The following UBE3C variants were observed in gnomAD, a reference collection of about 807,000 sequenced individuals.
The protein encoded by UBE3C is ubiquitin-protein ligase E3C.
In UBE3C, 42 loss-of-function variants were observed where a neutral mutation model predicts 129.4. The ratio of observed to expected loss-of-function variants is 0.32; its 90% CI spans 0.25 to 0.42. The LOEUF (loss-of-function observed/expected upper bound fraction) is 0.42, where lower values mean the gene tolerates loss of function less well. Among genes scored for constraint, UBE3C ranks in the 10% least tolerant of loss-of-function variants. The pLI, the probability that UBE3C is intolerant of heterozygous loss-of-function variation, is 1.00. For missense variants in UBE3C, 1,049 were observed against 1,319.1 expected (o/e 0.80, Z 3.17); for synonymous variants, 510 against 492.4 (o/e 1.04, Z -0.47).
intron 10 of UBE3C, among the ~76,000 whole-genome samples, chr7:157,191,436 C>T (rs943864959): frequency 6.6e-6 from 1 of 152,154 alleles, no homozygotes; most frequent in Non-Finnish European, 1.5e-5. Flanking sequence ...GGACGATAGG[C>T]GTGCCACCAC....
rs1213697459 is a variant in UBE3C at position 157,181,589 on chromosome 7, C to G, written c.688C>G (p.Arg230Gly). 1.2e-6 allele frequency: 2 copies of G among 1,613,604 alleles called. No individual in the cohort carries two copies. The highest frequency in any genetic ancestry group is 1.1e-5 in the South Asian group (1 of 90,980). The change falls in exon 7 of 23, where the codon CGA becomes GGA. Residue 230 changes from arginine to glycine, a missense_variant. This residue lies in a region of UBE3C where 489 missense variants were observed against 513.8 expected (regional missense o/e 0.95). Transcript: ENST00000348165. The part of the protein sequence containing the change: ...PSSIEYSDLS[R>G]VPIAKILLEN... Reference sequence around the variant, plus strand: ...AAGTATTGAATATTCTGATTTATCTCGAGTTCCTATAGCAAAAATTTTGCT... The same window carrying G: ...AAGTATTGAATATTCTGATTTATCTGGAGTTCCTATAGCAAAAATTTTGCT...
chr7:157,230,006 T>A (rs1431099275), intron 17 of UBE3C, among the ~76,000 whole-genome samples: 1 of 152,056 alleles, frequency 6.6e-6, no homozygotes, highest in Non-Finnish European at 1.5e-5. Context: ...TCTCCCAGAT[T>A]CAAGTGATTC....
chr7:157,203,980 A>G (rs1036539513), intron 11 of UBE3C, among the ~76,000 whole-genome samples: 4 of 152,210 alleles, frequency 2.6e-5, no homozygotes, highest in South Asian at 2.1e-4. Flanking sequence ...AAATCATCAA[A>G]CACTAGGCCA....
At chr7:157,205,929 C>T (rs963070700) in intron 11 of UBE3C, among the ~76,000 whole-genome samples, 8 of 152,226 alleles carry the variant, frequency 5.3e-5, no homozygotes, top group South Asian at 4.1e-4. Context: ...AAGCTCCTTA[C>T]GGCCCCGCTA....
chr7:157,189,803 AG>A (rs1808906096), intron 10 of UBE3C, among the ~76,000 whole-genome samples: 1 of 142,590 alleles, frequency 7.0e-6, no homozygotes, highest in South Asian at 2.2e-4. Context: ...TCAGTTTTTT[AG>A]GGTTGTTAGT....
At chr7:157,184,698 G>A (rs1442240537) in intron 9 of UBE3C, among the ~76,000 whole-genome samples, 1 of 152,174 alleles carries the variant, frequency 6.6e-6, no homozygotes, top group Non-Finnish European at 1.5e-5. Context: ...GAGGGTCTCA[G>A]GGCTTCCAGG....
chr7:157,184,050 C>G lies in UBE3C; in HGVS notation c.1143+21C>G, dbSNP rs1042231507. The G allele has an allele frequency of 5.0e-6, 8 of 1,609,420 alleles. No homozygotes were observed. In the African/African-American group the frequency reaches 1.1e-4, roughly 22 times the overall value. ...GCCCGGTAAGCCCCGTGCCCTGCAT[C>G]TGGGGGGCTGCGATGCAGGCAGCCC... On this transcript the variant is annotated intron_variant, in intron 9 of 22. Coordinates refer to ENST00000348165, the MANE Select transcript of UBE3C (RefSeq NM_014671.3).
At chr7:157,186,794 G>C (rs1258960232) in intron 9 of UBE3C, 40 bp from the exon 10 acceptor site, 1 of 1,604,480 alleles carries the variant, frequency 6.2e-7, no homozygotes, top group Non-Finnish European at 8.5e-7. Context: ...CGTTCCAGTT[G>C]AGCACATTTA....
intron 13 of UBE3C, among the ~76,000 whole-genome samples, chr7:157,208,949 C>G (rs1158486575): frequency 6.6e-6 from 1 of 152,230 alleles, no homozygotes; most frequent in African/African-American, 2.4e-5. Context: ...TACCAGCGAC[C>G]TCTCGCACAC....
intron 13 of UBE3C, among the ~76,000 whole-genome samples, chr7:157,213,349 A>G (rs1332836209): frequency 6.6e-6 from 1 of 152,222 alleles, no homozygotes; most frequent in African/African-American, 2.4e-5. Context: ...AGCAGTTGAA[A>G]ACTCGACTGG....
intron 10 of UBE3C, chr7:157,192,919 C>T (rs1809013091): frequency 4.5e-6 from 3 of 668,370 alleles, no homozygotes; most frequent in East Asian, 5.1e-5. Context: ...GTGAATGCCA[C>T]TTTCCCCCAT....
intron 1 of UBE3C, among the ~76,000 whole-genome samples, chr7:157,147,904 C>T (rs1416896945): frequency 6.6e-6 from 1 of 152,148 alleles, no homozygotes; most frequent in Non-Finnish European, 1.5e-5. Flanking sequence ...GACTGTGATG[C>T]ATAATTCTTT....
In UBE3C at chr7:157,175,023, C is replaced by T. The variant is rs377043435; in HGVS notation, c.447C>T (p.Ser149=). 1.2e-6 allele frequency: 2 copies of T among 1,610,250 alleles called. No homozygotes were observed. Among genetic ancestry groups the T allele is most frequent in the African/African-American group, 1.3e-5 (1 of 74,692 alleles). The change falls in exon 5 of 23, where the codon AGC becomes AGT. Residue 149 remains serine (S), a synonymous_variant. Coordinates refer to ENST00000348165, the MANE Select transcript of UBE3C (RefSeq NM_014671.3). The stretch of plus-strand genomic sequence containing the variant: ...TATTTCAGATAAAAAGATTGATGAG[C>T]CTCTGTTGCAGGTAAAATTCTATTG... ...TCLFQIKRLM[S]LCCRLLQNCN...
At chr7:157,214,806 A>G (rs1369850854) in intron 13 of UBE3C, among the ~76,000 whole-genome samples, 1 of 152,220 alleles carries the variant, frequency 6.6e-6, no homozygotes, top group East Asian at 1.9e-4. Context: ...ATGACTTTCA[A>G]GAATTAGTGT....
intron 14 of UBE3C, among the ~76,000 whole-genome samples, chr7:157,218,470 A>G (rs1013902909): frequency 3.3e-5 from 5 of 152,100 alleles, no homozygotes; most frequent in African/African-American, 1.2e-4. Context: ...AAAAAAAACC[A>G]TGTCACAGAA....
In UBE3C at chr7:157,238,136, T is replaced by G. The variant is rs1429891322; in HGVS notation, c.2481+6809T>G. On this transcript the variant is annotated intron_variant, in intron 18 of 22. Transcript: ENST00000348165. Reference sequence around the variant, plus strand: ...AGATTTAGATTTAGCAAATGTAACTTTATGAAATAAAAGCCAAATGAAGGT... The same window carrying G: ...AGATTTAGATTTAGCAAATGTAACTGTATGAAATAAAAGCCAAATGAAGGT... Among the ~76,000 whole-genome samples, 6 of 152,330 alleles carry G rather than the reference T, an allele frequency of 3.9e-5. No homozygotes were observed. In the East Asian group the frequency reaches 9.6e-4, roughly 24 times the overall value.
intron 11 of UBE3C, 117 bp from the exon 12 acceptor site, chr7:157,207,281 C>A: frequency 2.2e-6 from 3 of 1,393,098 alleles, no homozygotes; most frequent in Non-Finnish European, 2.9e-6. Context: ...TAGTTTAATT[C>A]CTAATGCAAA....
In UBE3C at chr7:157,220,700, C is replaced by A. The variant is rs746759084; in HGVS notation, c.1926C>A (p.Leu642=). The change falls in exon 15 of 23, where the codon CTC becomes CTA. Residue 642 remains leucine (L), a synonymous_variant. Transcript: ENST00000348165. ...EDIKADKVTQ[L]YVPASRHVWR... ...ATTGCCCCCGACAGGTCACTCAGCTCTATGTGCCAGCATCCAGACATGTGT... is the reference window on the plus strand; with the variant it reads ...ATTGCCCCCGACAGGTCACTCAGCTATATGTGCCAGCATCCAGACATGTGT... The A allele has an allele frequency of 6.2e-7, 1 of 1,614,034 alleles. No individual in the cohort carries two copies.
At chr7:157,179,417 T>G (rs1808610718) in intron 6 of UBE3C, among the ~76,000 whole-genome samples, 1 of 152,194 alleles carries the variant, frequency 6.6e-6, no homozygotes, top group African/African-American at 2.4e-5. Context: ...CTAAAATGAC[T>G]GCATCGTAGA....
Sources: allele counts gnomAD v4.1 joint callset (sites outside exome capture counted in the v4.1 genomes callset), GRCh38; gene constraint gnomAD v4.1.1; regional missense constraint gnomAD v4.1.1; transcripts MANE v1.5; gene names NCBI Gene and HGNC (gene_info 2026-07-23, HGNC 2026-07-21).